Variants in NRCAM observed in about 807,000 individuals in gnomAD.
NRCAM encodes the protein neuronal cell adhesion molecule.
NRCAM carries 83 observed loss-of-function variants against 156.5 expected under a neutral mutation model. That is an observed-to-expected ratio of 0.53 (90% CI 0.44 to 0.64). The LOEUF is 0.64. NRCAM is among the 30% of genes least tolerant of loss of function. The pLI is 0.00. For synonymous variants in NRCAM, 538 were observed against 563.9 expected (o/e 0.95, Z 0.65); for missense variants, 1,417 against 1,597.3 (o/e 0.89, Z 1.92).
chr7:108,219,063 C>A (rs928910501), intron 11 of NRCAM, among the ~76,000 whole-genome samples: 2 of 152,106 alleles, frequency 1.3e-5, no homozygotes, highest in African/African-American at 4.8e-5. Flanking sequence ...AAAGCTCACT[C>A]AAGGCTGCTA....
At chr7:108,277,693 G>C (rs1277394654) in intron 3 of NRCAM, among the ~76,000 whole-genome samples, 1 of 151,992 alleles carries the variant, frequency 6.6e-6, no homozygotes, top group Non-Finnish European at 1.5e-5. Context: ...TGCTTCTTTA[G>C]CTCGGAGAAG....
chr7:108,336,836 A>AT (rs1443770081), intron 2 of NRCAM, among the ~76,000 whole-genome samples: 5 of 152,218 alleles, frequency 3.3e-5, no homozygotes, highest in African/African-American at 1.2e-4. Flanking sequence ...AGTTAAATAG[A>AT]TTCCTTTTTG....
chr7:108,160,325 T>C (rs748281588), intron 31 of NRCAM, 36 bp downstream of exon 31: 12 of 1,576,334 alleles, frequency 7.6e-6, no homozygotes, highest in Non-Finnish European at 1.0e-5. Context: ...GATTATTATG[T>C]AGCATTATAA....
chr7:108,355,474 A>C (rs1227558850), intron 2 of NRCAM, among the ~76,000 whole-genome samples: 1 of 152,246 alleles, frequency 6.6e-6, no homozygotes, highest in Non-Finnish European at 1.5e-5. Context: ...TAAAGATATC[A>C]GCTAGAAGCC....
chr7:108,420,244 T>C (rs1807598065), intron 1 of NRCAM, among the ~76,000 whole-genome samples: 1 of 152,128 alleles, frequency 6.6e-6, no homozygotes, highest in Non-Finnish European at 1.5e-5. Flanking sequence ...CTTTAGTAGA[T>C]ATTACTATAG....
chr7:108,380,226 G>A (rs182412418), intron 2 of NRCAM, among the ~76,000 whole-genome samples: 137 of 152,228 alleles, frequency 9.0e-4, no homozygotes, highest in African/African-American at 3.2e-3. Flanking sequence ...ATAACATTAA[G>A]TGAAAATTAG....
intron 30 of NRCAM, among the ~76,000 whole-genome samples, chr7:108,162,897 G>T (rs2050149784): frequency 6.6e-6 from 1 of 152,116 alleles, no homozygotes. Flanking sequence ...TAAAAGAAAA[G>T]ATTTAAATTC....
intron 2 of NRCAM, among the ~76,000 whole-genome samples, chr7:108,336,284 G>A (rs2099189145): frequency 1.3e-5 from 2 of 152,170 alleles, no homozygotes; most frequent in East Asian, 3.9e-4. Context: ...TTCTGATAGA[G>A]CTTCTGTTAT....
intron 3 of NRCAM, among the ~76,000 whole-genome samples, chr7:108,275,539 A>G (rs1384139723): frequency 6.6e-6 from 1 of 152,206 alleles, no homozygotes; most frequent in Non-Finnish European, 1.5e-5. Flanking sequence ...TGTTTATAGT[A>G]TTCTCTGATG....
intron 13 of NRCAM, among the ~76,000 whole-genome samples, chr7:108,205,890 T>G (rs2080893399): frequency 6.6e-6 from 1 of 152,168 alleles, no homozygotes; most frequent in Non-Finnish European, 1.5e-5. Context: ...ACCATAAAAC[T>G]TTTTTAGTTC....
intron 2 of NRCAM, among the ~76,000 whole-genome samples, chr7:108,329,087 TTTC>T (rs1480339491): frequency 6.6e-6 from 1 of 152,184 alleles, no homozygotes; most frequent in African/African-American, 2.4e-5. Context: ...TATAACTATT[TTTC>T]TTACTTTCTT....
intron 1 of NRCAM, among the ~76,000 whole-genome samples, chr7:108,417,782 G>C (rs542377008): frequency 8.7e-5 from 13 of 149,266 alleles, no homozygotes; most frequent in Non-Finnish European, 1.2e-4. Context: ...TTTTTCTTTT[G>C]CAAGTTACAG....
intron 28 of NRCAM, among the ~76,000 whole-genome samples, chr7:108,174,550 C>T (rs1298146385): frequency 2.6e-5 from 4 of 152,244 alleles, no homozygotes; most frequent in African/African-American, 9.6e-5. Flanking sequence ...GGGTCAAAGA[C>T]TGGGGCATCT....
intron 1 of NRCAM, among the ~76,000 whole-genome samples, chr7:108,425,707 A>C (rs1167347200): frequency 6.6e-6 from 1 of 152,230 alleles, no homozygotes; most frequent in Non-Finnish European, 1.5e-5. Flanking sequence ...CAAAAAAACT[A>C]TCATATTGAC....
chr7:108,197,090 T>C (rs1056610625), intron 14 of NRCAM, among the ~76,000 whole-genome samples: 2 of 152,168 alleles, frequency 1.3e-5, no homozygotes, highest in South Asian at 2.1e-4. Flanking sequence ...GAGGATGTTG[T>C]GTTAAGTGCA....
chr7:108,445,206 A>G (rs1842929819), intron 1 of NRCAM, among the ~76,000 whole-genome samples: 1 of 152,240 alleles, frequency 6.6e-6, no homozygotes, highest in African/African-American at 2.4e-5. Context: ...ATTTATGGAC[A>G]TTGACTGCAA....
chr7:108,257,620 AAAAT>A (rs58982152), intron 3 of NRCAM, among the ~76,000 whole-genome samples: 7,644 of 152,182 alleles, frequency 0.05, 243 homozygotes, highest in South Asian at 0.11. Flanking sequence ...TACTCTAATG[AAAAT>A]AAATGTCAAT....
chr7:108,214,262 C>CAAAT (rs1330474046), intron 11 of NRCAM, among the ~76,000 whole-genome samples: 1 of 152,160 alleles, frequency 6.6e-6, no homozygotes, highest in Admixed American at 6.5e-5. Flanking sequence ...TAATTACTGC[C>CAAAT]TCAATTTCAG....
intron 25 of NRCAM, among the ~76,000 whole-genome samples, chr7:108,179,978 A>C (rs2062618493): frequency 6.6e-6 from 1 of 152,222 alleles, no homozygotes; most frequent in South Asian, 2.1e-4. Context: ...TGTGTGGAGA[A>C]AAATTTTAAG....
Sources: allele counts gnomAD v4.1 joint callset (sites outside exome capture counted in the v4.1 genomes callset), GRCh38; gene constraint gnomAD v4.1.1; transcripts MANE v1.5; gene names NCBI Gene and HGNC (gene_info 2026-07-23, HGNC 2026-07-21).